Variants in SZT2 observed in about 807,000 individuals in gnomAD.
The protein encoded by SZT2 is SZT2 subunit of KICSTOR complex, also known as KICSTOR complex protein SZT2.
SZT2 carries 216 observed loss-of-function variants against 404.2 expected under a neutral mutation model. The ratio of observed to expected loss-of-function variants is 0.53; its 90% CI spans 0.48 to 0.60. The LOEUF is 0.60. Among genes scored for constraint, SZT2 ranks in the 20% least tolerant of loss-of-function variants. The pLI is 0.00. For synonymous variants in SZT2, 1,693 were observed against 1,749.9 expected (o/e 0.97, Z 0.81); for missense variants, 3,857 against 4,459.2 (o/e 0.86, Z 3.85).
intron 3 of SZT2, 37 bp from the exon 4 acceptor site, chr1:43,404,343 C>A (rs1190236431): frequency 6.3e-7 from 1 of 1,586,220 alleles, no homozygotes; most frequent in Admixed American, 1.7e-5. Context: ...TTAGGGCTGC[C>A]TTTGGACCCC....
At chr1:43,415,332 A>G in intron 5 of SZT2, 119 bp downstream of exon 5, 5 of 1,243,484 alleles carry the variant, frequency 4.0e-6, no homozygotes, top group Non-Finnish European at 5.5e-6. Context: ...GGGCAAAATG[A>G]GACAAGGATA....
At position 43,451,333 on chromosome 1, in the gene SZT2, G is replaced by A. The variant is rs780758971; in HGVS notation, c.*853G>A. On this transcript the variant is annotated 3_prime_UTR_variant, in exon 72 of 72. Coordinates refer to ENST00000634258, the MANE Select transcript of SZT2 (RefSeq NM_001365999.1). ...TCTCCTGCAGGGAGAGGGAGGCCTC[G>A]GCACCTCAGCCCACAAGGAGAAAAC... 2.4e-5 allele frequency: 39 copies of A among 1,612,878 alleles called. No individual in the cohort carries two copies. Among genetic ancestry groups the A allele is most frequent in the Middle Eastern group, 1.6e-4 (1 of 6,084 alleles).
At position 43,437,260 on chromosome 1, in the gene SZT2, T is replaced by C; in HGVS notation, c.6124T>C (p.Trp2042Arg). ...VPGHFSCDVV[W>R]GTVIRVHSRL... ...TGGCCATTTCTCCTGTGACGTTGTG[T>C]GGGGAACTGTGATCCGAGTCCATTC... Residue 2042 changes from tryptophan to arginine, a missense_variant, in exon 43 of 72, where the codon TGG becomes CGG. Around this residue, in one of 7 missense-constraint regions of SZT2, gnomAD observed 261 missense variants for 372.9 expected, o/e 0.70. Transcript: ENST00000634258. This position sits in a 1 kb window ranked among gnomAD's most constrained non-coding sequence, Gnocchi z 5.3. The C allele has an allele frequency of 6.2e-7, 1 of 1,614,044 alleles. No homozygotes were observed. Among genetic ancestry groups the C allele is most frequent in the South Asian group, 1.1e-5 (1 of 91,072 alleles).
chr1:43,429,725 G>A lies in SZT2; in HGVS notation c.4189G>A (p.Glu1397Lys), dbSNP rs781566610. 1.9e-5 allele frequency: 30 copies of A among 1,614,068 alleles called. No individual in the cohort carries two copies. The highest frequency in any genetic ancestry group is 5.3e-5 in the African/African-American group (4 of 74,920). ...CAGCATAGAGACCGAGGACCTAAGC[G>A]AGCCTGAGTTTCAGAGCACCCGTGT... ...ESSIETEDLS[E>K]PEFQSTRVPG... Residue 1397 changes from glutamate (E) to lysine (K), a missense_variant, in exon 29 of 72, where the codon GAG becomes AAG. Glu to Lys is a moderately conservative substitution (Grantham distance 56, BLOSUM62 1). Coordinates refer to ENST00000634258, the MANE Select transcript of SZT2 (RefSeq NM_001365999.1).
In SZT2 at chr1:43,437,205, G is replaced by C. The variant is rs1323727004; in HGVS notation, c.6069G>C (p.Gly2023=). The change falls in exon 43 of 72, where the codon GGG becomes GGC. Residue 2023 remains glycine, a synonymous_variant. Coordinates refer to ENST00000634258, the MANE Select transcript of SZT2 (RefSeq NM_001365999.1). This position sits in a 1 kb window ranked among gnomAD's most constrained non-coding sequence, Gnocchi z 5.3. ...CTGATGAGAGCTGTGCGCCCCGTGG[G>C]TACCTGGCAGCCACAATGCAGTTTG... ...YAADESCAPR[G]YLAATMQFVP... is the part of the protein sequence containing the mutation. The C allele has an allele frequency of 6.2e-7, 1 of 1,614,022 alleles. No individual in the cohort carries two copies. Among genetic ancestry groups the C allele is most frequent in the Non-Finnish European group, 8.5e-7 (1 of 1,180,044 alleles).
At position 43,424,975 on chromosome 1, in the gene SZT2, C is replaced by A; in HGVS notation, c.2550+113C>A. On this transcript the variant is annotated intron_variant, in intron 17 of 71. Coordinates refer to ENST00000634258, the MANE Select transcript of SZT2 (RefSeq NM_001365999.1). The surrounding 1 kb of genome is among the most constrained non-coding windows in gnomAD (Gnocchi z 4.1). ...AAACTGCCTCACAGGGACCCTGTGG[C>A]CAGAGGATGCTCAAGGTCTGAGGCT... The A allele has an allele frequency of 1.4e-6, 2 of 1,474,366 alleles. No homozygotes were observed. Among genetic ancestry groups the A allele is most frequent in the Non-Finnish European group, 1.9e-6 (2 of 1,058,300 alleles). The allele number at this position is 1,474,366 out of a possible 1,614,324, so 91.3% of individuals were successfully genotyped here.
chr1:43,403,633 T>A lies in SZT2; in HGVS notation c.186T>A (p.Ser62Arg). 6.2e-7 allele frequency: 1 copy of A among 1,614,050 alleles called. No homozygotes were observed. The highest frequency in any genetic ancestry group is 8.5e-7 in the Non-Finnish European group (1 of 1,179,928). The change falls in exon 3 of 72, where the codon AGT becomes AGA. Residue 62 changes from serine (S) to arginine (R), a missense_variant. Coordinates refer to ENST00000634258, the MANE Select transcript of SZT2 (RefSeq NM_001365999.1). ...CTGAACAGGAATTGGAAGTCCTCAG[T>A]GTCCTGCCCCCTGGGTGGCAGCCAG... The part of the protein sequence containing the change: ...LQSEQELEVL[S>R]VLPPGWQPDE...
rs1056451961 is a variant in SZT2, at chr1:43,439,742, T to A, written c.7015T>A (p.Cys2339Ser). 7 of 1,604,266 alleles carry A rather than the reference T, an allele frequency of 4.4e-6. No individual in the cohort carries two copies. Among genetic ancestry groups the A allele is most frequent in the South Asian group, 1.1e-5 (1 of 89,834 alleles). Residue 2339 changes from cysteine (C) to serine (S), a missense_variant, in exon 50 of 72, where the codon TGC (cysteine) becomes AGC (serine). Transcript: ENST00000634258. This position sits in a 1 kb window ranked among gnomAD's most constrained non-coding sequence, Gnocchi z 4.2. ...TGAGCAACTGACCCAGGTCATCCGC[T>A]GCCCGGTTGTTGTGGACAGTTCTTC... ...EFEQLTQVIRCPVVVDSSSAQ... is the reference protein window; with the variant it reads ...EFEQLTQVIRSPVVVDSSSAQ...
rs766001851 is a variant in SZT2 at position 43,422,836 on chromosome 1, C to G, written c.1990C>G (p.Leu664Val). The change falls in exon 14 of 72, where the codon CTT becomes GTT. Residue 664 changes from leucine to valine, a missense_variant. Transcript: ENST00000634258. ...RIISKAPCMV[L>V]RLGFPIGTPA... ...CATTTCCAAGGCCCCATGCATGGTTCTTCGCCTGGGTTTTCCCATTGGCAC... is the reference window on the plus strand; with the variant it reads ...CATTTCCAAGGCCCCATGCATGGTTGTTCGCCTGGGTTTTCCCATTGGCAC... 1 of 1,593,720 alleles carries G rather than the reference C, an allele frequency of 6.3e-7. No individual in the cohort carries two copies. Among genetic ancestry groups the G allele is most frequent in the African/African-American group, 1.3e-5 (1 of 74,698 alleles).
chr1:43,422,008 G>C (rs1652422081), intron 11 of SZT2, 75 bp from the exon 12 acceptor site: 6 of 1,494,350 alleles, frequency 4.0e-6, no homozygotes, highest in African/African-American at 1.4e-5. Flanking sequence ...TCCACCCATG[G>C]TTTTGTTTGC....
chr1:43,408,681 T>C (rs1488927881), intron 4 of SZT2, among the ~76,000 whole-genome samples: 2 of 152,200 alleles, frequency 1.3e-5, no homozygotes, highest in African/African-American at 4.8e-5. Context: ...TCATCATATC[T>C]TACCATATGT....
rs199778444 is a variant in SZT2, at chr1:43,443,789, G to A, written c.8818G>A (p.Ala2940Thr). 45 of 1,613,208 alleles carry A rather than the reference G, an allele frequency of 2.8e-5. No homozygotes were observed. The highest frequency in any genetic ancestry group is 4.4e-5 in the South Asian group (4 of 91,026). Residue 2940 changes from alanine (A) to threonine (T), a missense_variant, in exon 62 of 72, where the codon GCC becomes ACC. Ala to Thr is a moderately conservative substitution (Grantham distance 58). Transcript: ENST00000634258. ...GGTACCACTGCGGCCCCCCTCACCCGCCCGCAGGTGAGCCCGTCCCTGTTT... is the reference window on the plus strand; with the variant it reads ...GGTACCACTGCGGCCCCCCTCACCCACCCGCAGGTGAGCCCGTCCCTGTTT... The part of the protein sequence containing the change: ...VLVPLRPPSP[A>T]RSTSRPRAMA...
intron 2 of SZT2, 149 bp downstream of exon 2, chr1:43,403,451 A>G (rs1177494809): frequency 2.8e-6 from 4 of 1,409,948 alleles, no homozygotes; most frequent in Non-Finnish European, 3.8e-6. Context: ...ATTTTAAAAA[A>G]TAATTTTTCC....
Position 43,452,889 on chromosome 1 carries a change from A to G in SZT2, c.*2409A>G, listed in dbSNP as rs1459256797. The G allele has an allele frequency of 1.3e-6, 2 of 1,589,938 alleles. No homozygotes were observed. The highest frequency in any genetic ancestry group is 3.5e-5 in the Admixed American group (2 of 56,530). ...CAGACATTCCAGGCCTCCCCATCCCAACAGGCTACATACATGTCCAGCCTC... is the reference window on the plus strand; with the variant it reads ...CAGACATTCCAGGCCTCCCCATCCCGACAGGCTACATACATGTCCAGCCTC... On this transcript the variant is annotated 3_prime_UTR_variant, in exon 72 of 72. Transcript: ENST00000634258.
At chr1:43,395,273 G>A (rs890304398) in intron 1 of SZT2, among the ~76,000 whole-genome samples, 5 of 152,126 alleles carry the variant, frequency 3.3e-5, no homozygotes, top group Non-Finnish European at 7.4e-5. Flanking sequence ...AGGTTACTTT[G>A]TTACTTGCTT....
At position 43,453,889 on chromosome 1, in the gene SZT2, C is replaced by T; in HGVS notation, c.*3409C>T. The T allele has an allele frequency of 1.6e-6, 2 of 1,223,346 alleles. No homozygotes were observed. Among genetic ancestry groups the T allele is most frequent in the Non-Finnish European group, 2.0e-6 (2 of 984,178 alleles). The allele number at this position is 1,223,346 out of a possible 1,614,324, so 75.8% of individuals were successfully genotyped here. A position where few individuals can be genotyped will look rare whatever the true frequency, so the allele number is the denominator to read the frequency against. Reference sequence around the variant, plus strand: ...GCGGGGGCGGGGCTCTCCTTGCTGGCCCTGCGAACGAACGAGCACTGTTCG... The same window carrying T: ...GCGGGGGCGGGGCTCTCCTTGCTGGTCCTGCGAACGAACGAGCACTGTTCG... On this transcript the variant is annotated 3_prime_UTR_variant, in exon 72 of 72. Transcript: ENST00000634258.
In SZT2 at chr1:43,443,278, C is replaced by A; in HGVS notation, c.8499+11C>A. 6.2e-7 allele frequency: 1 copy of A among 1,614,166 alleles called. No individual in the cohort carries two copies. The highest frequency in any genetic ancestry group is 2.2e-5 in the East Asian group (1 of 44,878). On this transcript the variant is annotated intron_variant, in intron 60 of 71. Transcript: ENST00000634258. The stretch of plus-strand genomic sequence containing the variant: ...ACCATGCCCATCAGTGTGAGTGACC[C>A]CAGCTTGCATCTTCCTTGAGTATCT...
At chr1:43,410,044 G>C (rs561624343) in intron 4 of SZT2, 2 of 152,192 alleles carry the variant, frequency 1.3e-5, no homozygotes, top group South Asian at 4.2e-4. Flanking sequence ...AAACAGCATG[G>C]TACTGGCATA....
chr1:43,442,191 C>T lies in SZT2; in HGVS notation c.7873+61C>T. On this transcript the variant is annotated intron_variant, in intron 56 of 71. Transcript: ENST00000634258. This position sits in a 1 kb window ranked among gnomAD's most constrained non-coding sequence, Gnocchi z 4.5. ...GGCTAAGAGTAACTGGTGGGGTCTC[C>T]AACCTTGCAGAGGGGAGGGTGGGAT... 2 of 1,598,044 alleles carry T rather than the reference C, an allele frequency of 1.3e-6. No individual in the cohort carries two copies. Among genetic ancestry groups the T allele is most frequent in the Non-Finnish European group, 1.7e-6 (2 of 1,170,498 alleles).
Sources: allele counts gnomAD v4.1 joint callset (sites outside exome capture counted in the v4.1 genomes callset), GRCh38; gene constraint gnomAD v4.1.1; regional missense constraint gnomAD v4.1.1; non-coding constraint Gnocchi (gnomAD v3.1); transcripts MANE v1.5; gene names NCBI Gene and HGNC (gene_info 2026-07-23, HGNC 2026-07-21).